The following AFF3 variants were observed in gnomAD, a reference collection of about 807,000 sequenced individuals.
The protein encoded by AFF3 is ALF transcription elongation factor 3.
A neutral mutation model predicts 129.7 loss-of-function variants in AFF3; 32 were observed. That is an observed-to-expected ratio of 0.25 (90% confidence interval 0.19 to 0.33). AFF3 has a LOEUF of 0.33. Ranked by LOEUF, AFF3 falls within the 10% of genes least tolerant of loss-of-function variation. The pLI is 1.00. For missense variants in AFF3, 1,373 were observed against 1,592.0 expected, an observed-to-expected ratio of 0.86 and a Z score of 2.34; for synonymous variants, 644 against 635.4, an observed-to-expected ratio of 1.01 and a Z score of -0.20.
rs60456923 is a variant in AFF3 at position 100,014,783 on chromosome 2, C to CTTTTTTTTTTTTT, written c.54-5864_54-5852dup. ...CCATACCTCCATACCACCTTGCTTC[C>CTTTTTTTTTTTTT]TTTTTTTTTTTTTTTTTTTAGACGG... On this transcript the variant is annotated intron_variant, in intron 4 of 24. Transcript: ENST00000672756. 2.2e-4 allele frequency among the ~76,000 whole-genome samples: 26 copies of CTTTTTTTTTTTTT among 120,402 alleles called. 1 individual carries two copies. The highest frequency in any genetic ancestry group is 3.3e-4 in the African/African-American group (10 of 30,136). The allele number at this position is 120,402 out of a possible 152,430, so 79.0% of individuals were successfully genotyped here.
chr2:99,636,055 C>T (rs1575565353), intron 13 of AFF3, among the ~76,000 whole-genome samples: 1 of 152,184 alleles, frequency 6.6e-6, no homozygotes, highest in Non-Finnish European at 1.5e-5. Context: ...GTGGCTGGGG[C>T]CATGATTCAA....
intron 2 of AFF3, chr2:100,105,975 C>A: frequency 7.5e-7 from 1 of 1,326,706 alleles, no homozygotes; most frequent in Non-Finnish European, 1.0e-6. Context: ...AAATGTAAAC[C>A]CTGGGTGCAA....
chr2:99,661,348 C>T (rs1250401137), intron 12 of AFF3, among the ~76,000 whole-genome samples: 1 of 152,150 alleles, frequency 6.6e-6, no homozygotes, highest in Non-Finnish European at 1.5e-5. Flanking sequence ...GTATTGATAC[C>T]CACCATTAAC....
chr2:99,800,383 C>G lies in AFF3; in HGVS notation c.921+37094G>C, dbSNP rs374340418. Reference sequence around the variant, plus strand: ...ACCACAATGAGATACCACTACATACCTATTAGAATGTTTAGGATTAAAAAG... The same window carrying G: ...ACCACAATGAGATACCACTACATACGTATTAGAATGTTTAGGATTAAAAAG... On this transcript the variant is annotated intron_variant, in intron 8 of 24. Transcript: ENST00000672756. Among the ~76,000 whole-genome samples the G allele has an allele frequency of 1.7e-4, 26 of 152,174 alleles. 1 individual carries two copies. The highest frequency in any genetic ancestry group is 1.7e-3 in the South Asian group (8 of 4,822).
At chr2:99,755,790 C>G (rs976120777) in intron 8 of AFF3, among the ~76,000 whole-genome samples, 5 of 152,192 alleles carry the variant, frequency 3.3e-5, no homozygotes, top group Middle Eastern at 3.2e-3. Context: ...AATCGCCAGG[C>G]CCTATTTCTC....
intron 17 of AFF3, among the ~76,000 whole-genome samples, chr2:99,579,816 C>T (rs561458460): frequency 6.6e-6 from 1 of 152,318 alleles, no homozygotes; most frequent in Non-Finnish European, 1.5e-5. Flanking sequence ...GGGATACAGA[C>T]ATTTACATGG....
In AFF3 at chr2:99,661,408, T is replaced by C. The variant is rs572029033; in HGVS notation, c.1143+11130A>G. Among the ~76,000 whole-genome samples, 12 of 152,364 alleles carry C rather than the reference T, an allele frequency of 7.9e-5. No homozygotes were observed. The East Asian group carries it at 2.3e-3, about 29-fold the overall frequency. On this transcript the variant is annotated intron_variant, in intron 12 of 24. Transcript: ENST00000672756. ...TGTAGATCCTTTTATGAATTCTTCA[T>C]CATAACAAAGGCAATGGTTTCCCAT...
At chr2:99,558,151 G>A (rs1021036773) in intron 22 of AFF3, among the ~76,000 whole-genome samples, 5 of 152,072 alleles carry the variant, frequency 3.3e-5, no homozygotes, top group African/African-American at 9.7e-5. Context: ...TTTAAATAAC[G>A]CCATTAAAAA....
intron 7 of AFF3, among the ~76,000 whole-genome samples, chr2:99,887,091 C>A (rs1415535510): frequency 6.6e-6 from 1 of 152,202 alleles, no homozygotes; most frequent in Non-Finnish European, 1.5e-5. Context: ...TGGTTCTGCC[C>A]TCTGTTGGGG....
At chr2:99,642,196 C>T (rs1273459681) in intron 13 of AFF3, among the ~76,000 whole-genome samples, 1 of 152,154 alleles carries the variant, frequency 6.6e-6, no homozygotes, top group African/African-American at 2.4e-5. Flanking sequence ...CCACTCGCTA[C>T]AAGAGACTTC....
intron 11 of AFF3, among the ~76,000 whole-genome samples, chr2:99,712,801 C>G (rs942176736): frequency 5.9e-5 from 9 of 152,198 alleles, no homozygotes; most frequent in Non-Finnish European, 8.8e-5. Flanking sequence ...TCCTGGCAGC[C>G]TTATTCACAA....
intron 8 of AFF3, among the ~76,000 whole-genome samples, chr2:99,787,690 T>G (rs1290701677): frequency 6.6e-6 from 1 of 152,080 alleles, no homozygotes; most frequent in African/African-American, 2.4e-5. Flanking sequence ...GGGTTTCAAA[T>G]TTGGATGAAG....
chr2:99,661,056 T>C (rs1686187034), intron 12 of AFF3, among the ~76,000 whole-genome samples: 2 of 152,330 alleles, frequency 1.3e-5, no homozygotes, highest in Non-Finnish European at 2.9e-5. Flanking sequence ...CTTTACTATA[T>C]GACACTGCCC....
chr2:99,728,490 T>C (rs1575806387), intron 10 of AFF3, among the ~76,000 whole-genome samples: 1 of 152,190 alleles, frequency 6.6e-6, no homozygotes, highest in African/African-American at 2.4e-5. Flanking sequence ...ACTCCCTAAA[T>C]TACATAATGA....
At chr2:99,923,781 T>C (rs1292042346) in intron 7 of AFF3, among the ~76,000 whole-genome samples, 8 of 152,200 alleles carry the variant, frequency 5.3e-5, no homozygotes, top group Non-Finnish European at 8.8e-5. Flanking sequence ...GAACATGTTA[T>C]GGCCTACCGC....
intron 1 of AFF3, among the ~76,000 whole-genome samples, chr2:100,138,666 G>T (rs1034522963): frequency 1.3e-5 from 2 of 152,164 alleles, no homozygotes; most frequent in African/African-American, 2.4e-5. Flanking sequence ...CCAGTAGGCC[G>T]GGTGCAGTGG....
intron 1 of AFF3, among the ~76,000 whole-genome samples, chr2:100,130,883 T>C (rs1187193847): frequency 6.6e-6 from 1 of 152,038 alleles, no homozygotes; most frequent in East Asian, 1.9e-4. Flanking sequence ...AACCACTCAC[T>C]CTTCATTTCC....
intron 13 of AFF3, among the ~76,000 whole-genome samples, chr2:99,638,353 CA>C (rs1223864080): frequency 1.3e-5 from 2 of 152,036 alleles, no homozygotes; most frequent in Admixed American, 1.3e-4. Flanking sequence ...AGCCACTGGC[CA>C]GAACCAGTTG....
At chr2:99,667,503 A>C (rs1489090409) in intron 12 of AFF3, among the ~76,000 whole-genome samples, 2 of 152,234 alleles carry the variant, frequency 1.3e-5, no homozygotes, top group African/African-American at 4.8e-5. Context: ...GAGGGAAATA[A>C]AGATAAGAAA....
Sources: allele counts gnomAD v4.1 joint callset (sites outside exome capture counted in the v4.1 genomes callset), GRCh38; gene constraint gnomAD v4.1.1; transcripts MANE v1.5; gene names NCBI Gene and HGNC (gene_info 2026-07-23, HGNC 2026-07-21).